The following TENM4 variants were observed in gnomAD, a reference collection of about 807,000 sequenced individuals.
The protein encoded by TENM4 is teneurin transmembrane protein 4, also known as teneurin-4.
TENM4 carries 82 observed loss-of-function variants against 243.3 expected under a neutral mutation model. That is an observed-to-expected ratio of 0.34 (90% CI 0.28 to 0.40). The LOEUF is 0.40. Ranked by LOEUF, TENM4 falls within the 10% of genes least tolerant of loss-of-function variation. TENM4 has a pLI of 1.00. For synonymous variants in TENM4, 1,412 were observed against 1,456.3 expected (o/e 0.97, Z 0.69); for missense variants, 3,138 against 3,673.3 (o/e 0.85, Z 3.77).
chr11:78,744,402 C>G (rs1482868845), intron 19 of TENM4, among the ~76,000 whole-genome samples: 6 of 152,222 alleles, frequency 3.9e-5, no homozygotes, highest in Non-Finnish European at 7.3e-5. Context: ...CCTTCCTGAT[C>G]ACCTCTTTCA....
intron 6 of TENM4, among the ~76,000 whole-genome samples, chr11:78,992,316 C>T (rs1858065509): frequency 6.6e-6 from 1 of 152,236 alleles, no homozygotes; most frequent in Non-Finnish European, 1.5e-5. Flanking sequence ...CCTTAAGACT[C>T]ATGTCAGGCA....
chr11:78,874,526 A>G (rs545600197), intron 9 of TENM4, among the ~76,000 whole-genome samples: 3 of 152,216 alleles, frequency 2.0e-5, no homozygotes, highest in Non-Finnish European at 4.4e-5. Context: ...GCTATTTAAT[A>G]GACTTACTGC....
intron 12 of TENM4, among the ~76,000 whole-genome samples, chr11:78,820,264 C>A (rs1469397724): frequency 6.6e-6 from 1 of 152,172 alleles, no homozygotes; most frequent in African/African-American, 2.4e-5. Context: ...ACTTATGTCA[C>A]CATTTTACAG....
intron 33 of TENM4, among the ~76,000 whole-genome samples, chr11:78,659,075 A>T (rs1857971772): frequency 6.6e-6 from 1 of 152,172 alleles, no homozygotes; most frequent in African/African-American, 2.4e-5. Context: ...TCGTTTTGTG[A>T]GCACTGGTGA....
At chr11:79,147,731 C>G (rs896501733) in intron 4 of TENM4, among the ~76,000 whole-genome samples, 2 of 152,028 alleles carry the variant, frequency 1.3e-5, no homozygotes, top group African/African-American at 2.4e-5. Context: ...TCAGTACATC[C>G]TCACGCAACC....
At chr11:79,168,415 G>A (rs1591329230) in intron 3 of TENM4, among the ~76,000 whole-genome samples, 1 of 152,096 alleles carries the variant, frequency 6.6e-6, no homozygotes, top group South Asian at 2.1e-4. Context: ...TGGAGGTCAG[G>A]GTGGGCTTCC....
chr11:79,230,919 G>A (rs1864361529), intron 2 of TENM4, among the ~76,000 whole-genome samples: 1 of 152,166 alleles, frequency 6.6e-6, no homozygotes, highest in Non-Finnish European at 1.5e-5. Flanking sequence ...CCTAACAAGA[G>A]CCCTTAGGCT....
intron 10 of TENM4, among the ~76,000 whole-genome samples, chr11:78,860,684 T>C (rs1197677742): frequency 6.6e-6 from 1 of 152,248 alleles, no homozygotes; most frequent in Non-Finnish European, 1.5e-5. Context: ...TCACATAAAC[T>C]ATAGGAAGCT....
chr11:79,287,302 G>A (rs2135375658), intron 2 of TENM4, among the ~76,000 whole-genome samples: 1 of 152,238 alleles, frequency 6.6e-6, no homozygotes, highest in East Asian at 1.9e-4. Flanking sequence ...GATGGAATAG[G>A]TGAAGTACCA....
chr11:79,012,255 C>T lies in TENM4; in HGVS notation c.493+52483G>A, dbSNP rs139776139. Among the ~76,000 whole-genome samples the T allele has an allele frequency of 1.3e-4, 20 of 152,256 alleles. No individual in the cohort carries two copies. In the East Asian group the frequency reaches 3.7e-3, roughly 28 times the overall value. ...AAGCCGTGTGTATTTGGCTTTTCCCCGACGGCCTCATGTCTGCAATTAGAT... is the reference window on the plus strand; with the variant it reads ...AAGCCGTGTGTATTTGGCTTTTCCCTGACGGCCTCATGTCTGCAATTAGAT... On this transcript the variant is annotated intron_variant, in intron 6 of 33. Coordinates refer to ENST00000278550, the MANE Select transcript of TENM4 (RefSeq NM_001098816.3).
At chr11:79,005,720 A>G (rs1450040193) in intron 6 of TENM4, among the ~76,000 whole-genome samples, 1 of 152,182 alleles carries the variant, frequency 6.6e-6, no homozygotes, top group Non-Finnish European at 1.5e-5. Context: ...CTCCTATCCA[A>G]CACAGTTCTT....
At chr11:79,265,383 T>G (rs1237918102) in intron 2 of TENM4, among the ~76,000 whole-genome samples, 1 of 152,208 alleles carries the variant, frequency 6.6e-6, no homozygotes, top group Non-Finnish European at 1.5e-5. Flanking sequence ...TATGGAGCCC[T>G]TGAAACGCGG....
intron 3 of TENM4, among the ~76,000 whole-genome samples, chr11:79,159,776 C>G (rs1410709235): frequency 6.6e-6 from 1 of 152,130 alleles, no homozygotes; most frequent in African/African-American, 2.4e-5. Flanking sequence ...ATCAATTATT[C>G]TATTATTTAT....
chr11:78,876,317 G>GGA (rs1429480679), intron 9 of TENM4, among the ~76,000 whole-genome samples: 1 of 152,176 alleles, frequency 6.6e-6, no homozygotes, highest in Non-Finnish European at 1.5e-5. Context: ...TGTGATTTCT[G>GGA]TAGTTTTATA....
chr11:79,033,244 C>T (rs1027504205), intron 6 of TENM4, among the ~76,000 whole-genome samples: 6 of 152,134 alleles, frequency 3.9e-5, no homozygotes, highest in African/African-American at 1.4e-4. Flanking sequence ...GACAGCCATA[C>T]AGCAGGTGCC....
chr11:78,876,018 T>C (rs1160636975), intron 9 of TENM4, among the ~76,000 whole-genome samples: 1 of 152,196 alleles, frequency 6.6e-6, no homozygotes, highest in Non-Finnish European at 1.5e-5. Context: ...GGAGGGCTTT[T>C]AGAGGCAGCA....
chr11:78,658,171 G>A lies in TENM4; in HGVS notation c.8197C>T (p.Arg2733Trp), dbSNP rs776533434. 6.6e-5 allele frequency: 106 copies of A among 1,613,856 alleles called. No individual in the cohort carries two copies. The highest frequency in any genetic ancestry group is 1.9e-4 in the South Asian group (17 of 91,084). The change falls in exon 34 of 34, where the codon CGG becomes TGG. Residue 2733 changes from arginine (R) to tryptophan (W), a missense_variant. Around this residue, in one of 2 missense-constraint regions of TENM4, gnomAD observed 2,467 missense variants for 3,059.1 expected, o/e 0.81. Coordinates refer to ENST00000278550, the MANE Select transcript of TENM4 (RefSeq NM_001098816.3). ...AAAAAGCCGTCGTAGCCTTGCACCC[G>A]CCCTGTGCTCAGCACCTGCTGCTTC... ...GEKQQVLSTG[R>W]VQGYDGFFVI...
chr11:78,870,090 T>G (rs1859084828), intron 9 of TENM4, among the ~76,000 whole-genome samples: 1 of 152,216 alleles, frequency 6.6e-6, no homozygotes, highest in Admixed American at 6.5e-5. Context: ...GGCAAAGTAC[T>G]TAGCCTGTCT....
intron 13 of TENM4, 140 bp from the exon 14 acceptor site, chr11:78,812,456 GTCT>G: frequency 1.0e-6 from 1 of 991,458 alleles, no homozygotes; most frequent in Non-Finnish European, 1.5e-6. Context: ...GTGCCCATCT[GTCT>G]TCTTCTCTTG....
Sources: gnomAD v4.1 joint callset for allele counts (sites outside exome capture counted in the v4.1 genomes callset) on GRCh38, gnomAD v4.1.1 for gene constraint, gnomAD v4.1.1 regional missense constraint, MANE v1.5 for transcripts, NCBI Gene and HGNC (gene_info 2026-07-23, HGNC 2026-07-21) for gene names.